Variants in CSF1 observed in about 807,000 individuals in gnomAD.
CSF1 encodes the protein colony stimulating factor 1.
In CSF1, 9 loss-of-function variants were observed where a neutral mutation model predicts 48.9. That is an observed-to-expected ratio of 0.18 (90% CI 0.11 to 0.32). The LOEUF is 0.32. CSF1 is among the 10% of genes least tolerant of loss of function. The probability of loss-of-function intolerance (pLI) is 1.00; values close to 1 mark genes in which losing one functional copy is unlikely to be tolerated. For missense variants in CSF1, 672 were observed against 697.9 expected, an observed-to-expected ratio of 0.96 and a Z score of 0.42; for synonymous variants, 305 against 284.1, an observed-to-expected ratio of 1.07 and a Z score of -0.74.
At position 109,923,645 on chromosome 1, in the gene CSF1, A is replaced by G; in HGVS notation, c.1024A>G (p.Asn342Asp). 1 of 1,613,896 alleles carries G rather than the reference A, an allele frequency of 6.2e-7. No individual in the cohort carries two copies. Among genetic ancestry groups the G allele is most frequent in the South Asian group, 1.1e-5 (1 of 91,084 alleles). ...GCAGACAGAGCCCGCCAGACCCAGC[A>G]ACTTCCTCTCAGCATCTTCTCCACT... ...SMQTEPARPS[N>D]FLSASSPLPA... The change falls in exon 6 of 9, where the codon AAC becomes GAC. Residue 342 changes from asparagine (N) to aspartate (D), a missense_variant. Transcript: ENST00000329608.
At chr1:109,922,840 A>ACTG (rs1396551500) in intron 5 of CSF1, among the ~76,000 whole-genome samples, 1 of 152,098 alleles carries the variant, frequency 6.6e-6, no homozygotes, top group Non-Finnish European at 1.5e-5. Context: ...TCCTGACCTG[A>ACTG]CTGCTGCTCA....
chr1:109,915,587 T>C (rs1187712161), intron 2 of CSF1, 47 bp from the exon 3 acceptor site: 26 of 1,526,952 alleles, frequency 1.7e-5, no homozygotes, highest in Non-Finnish European at 2.4e-5. Context: ...GAAGGCTGAG[T>C]TGAGCTGTAG....
intron 4 of CSF1, among the ~76,000 whole-genome samples, chr1:109,921,607 A>G (rs1200282714): frequency 6.6e-6 from 1 of 152,188 alleles, no homozygotes; most frequent in East Asian, 1.9e-4. Context: ...TGTTCGTTGC[A>G]TGATTCCCAG....
In CSF1 at chr1:109,910,964, CAGCG is replaced by C. The variant is rs551065514; in HGVS notation, c.-41_-38del. The C allele has an allele frequency of 1.7e-3, 1,980 of 1,146,716 alleles. 2 individuals are homozygous for C. The highest frequency in any genetic ancestry group is 1.9e-3 in the Non-Finnish European group (1,797 of 929,692). The allele number at this position is 1,146,716 out of a possible 1,614,324, so 71.0% of individuals were successfully genotyped here. A position where few individuals can be genotyped will look rare whatever the true frequency, so the allele number is the denominator to read the frequency against. ...GCCGGGGCGCCCACTCCGCAGCAGCCAGCGAGCGAGCGAGCGAGCGAGGGCGGCC... is the reference window on the plus strand; with the variant it reads ...GCCGGGGCGCCCACTCCGCAGCAGCCAGCGAGCGAGCGAGCGAGGGCGGCC... On this transcript the variant is annotated 5_prime_UTR_variant, in exon 1 of 9. Coordinates refer to ENST00000329608, the MANE Select transcript of CSF1 (RefSeq NM_000757.6).
At chr1:109,918,659 A>C (rs1647366833) in intron 4 of CSF1, among the ~76,000 whole-genome samples, 1 of 152,146 alleles carries the variant, frequency 6.6e-6, no homozygotes, top group African/African-American at 2.4e-5. Flanking sequence ...GAGCACCTGG[A>C]TATTCCAATG....
Position 109,919,690 on chromosome 1 carries a change from T to G in CSF1, c.397-2157T>G, listed in dbSNP as rs902041946. 4.0e-5 allele frequency among the ~76,000 whole-genome samples: 6 copies of G among 150,564 alleles called. 1 individual carries two copies. Among genetic ancestry groups the G allele is most frequent in the Non-Finnish European group, 9.0e-5 (6 of 66,938 alleles). On this transcript the variant is annotated intron_variant, in intron 4 of 8. Coordinates refer to ENST00000329608, the MANE Select transcript of CSF1 (RefSeq NM_000757.6). ...AGAGTGGCTCCAGGGCCGGGCGCGG[T>G]GGTTCATGCCTCTAATCCTGGCACT... is the stretch of plus-strand genomic sequence containing the variant.
intron 3 of CSF1, among the ~76,000 whole-genome samples, chr1:109,916,555 T>G (rs1446522958): frequency 6.6e-6 from 1 of 152,212 alleles, no homozygotes; most frequent in Non-Finnish European, 1.5e-5. Context: ...CCTTTCCACC[T>G]GCCCCCCAAT....
rs1303913682 is a variant in CSF1, at chr1:109,917,386, A to G, written c.319A>G (p.Ile107Val). 5 of 1,614,190 alleles carry G rather than the reference A, an allele frequency of 3.1e-6. No homozygotes were observed. The highest frequency in any genetic ancestry group is 4.2e-6 in the Non-Finnish European group (5 of 1,180,004). Residue 107 changes from isoleucine to valine, a missense_variant, in exon 4 of 9, where the codon ATC becomes GTC. Physicochemically the swap from Ile to Val is conservative, Grantham distance 29 (BLOSUM62 3). This residue lies in a region of CSF1 where 591 missense variants were observed against 593.6 expected (regional missense o/e 1.00). Transcript: ENST00000329608. ...MRFRDNTPNA[I>V]AIVQLQELSL... ...CTTCAGAGATAACACCCCCAATGCC[A>G]TCGCCATTGTGCAGCTGCAGGAACT... is the stretch of plus-strand genomic sequence containing the variant.
At chr1:109,919,264 G>A (rs551015853) in intron 4 of CSF1, among the ~76,000 whole-genome samples, 1 of 152,230 alleles carries the variant, frequency 6.6e-6, no homozygotes, top group East Asian at 1.9e-4. Flanking sequence ...TTTGAGACAG[G>A]GTCTCATTCT....
At chr1:109,912,706 A>G (rs1322476128) in intron 1 of CSF1, among the ~76,000 whole-genome samples, 1 of 151,460 alleles carries the variant, frequency 6.6e-6, no homozygotes, top group East Asian at 1.9e-4. Flanking sequence ...CATACCATTC[A>G]CTCCAGACCT....
intron 5 of CSF1, chr1:109,922,494 G>C (rs11575076): frequency 0.016 from 2,459 of 155,232 alleles, 63 homozygotes; most frequent in African/African-American, 0.056. Context: ...GGCTGGATTT[G>C]AAGTCTGAGC....
chr1:109,923,728 G>A lies in CSF1; in HGVS notation c.1107G>A (p.Arg369=), dbSNP rs774845703. The A allele has an allele frequency of 1.9e-6, 3 of 1,612,006 alleles. No homozygotes were observed. Among genetic ancestry groups the A allele is most frequent in the Admixed American group, 1.7e-5 (1 of 59,772 alleles). ...ATGTAACTGGTACCGCCTTGCCCAG[G>A]GTGGGCCCCGTGAGGCCCACTGGCC... ...PADVTGTALP[R]VGPVRPTGQD... is the part of the protein sequence containing the mutation. The change falls in exon 6 of 9, where the codon AGG becomes AGA. Residue 369 remains arginine, a synonymous_variant. Coordinates refer to ENST00000329608, the MANE Select transcript of CSF1 (RefSeq NM_000757.6).
At chr1:109,919,762 C>A (rs1457056910) in intron 4 of CSF1, among the ~76,000 whole-genome samples, 1 of 150,674 alleles carries the variant, frequency 6.6e-6, no homozygotes, top group African/African-American at 2.4e-5. Context: ...AGTTCAAGAC[C>A]AGCCTGCCCA....
intron 8 of CSF1, among the ~76,000 whole-genome samples, chr1:109,927,802 G>A (rs3093040): frequency 0.28 from 42,900 of 152,150 alleles, 7,465 homozygotes; most frequent in Non-Finnish European, 0.39. Flanking sequence ...GGCAGAGACT[G>A]AGATAGGGAC....
chr1:109,919,109 T>C (rs1647394781), intron 4 of CSF1, among the ~76,000 whole-genome samples: 1 of 152,140 alleles, frequency 6.6e-6, no homozygotes, highest in Non-Finnish European at 1.5e-5. Flanking sequence ...GTGTCACACA[T>C]GCTGGATCAG....
chr1:109,912,438 G>A (rs886775892), intron 1 of CSF1, among the ~76,000 whole-genome samples: 1 of 152,118 alleles, frequency 6.6e-6, no homozygotes, highest in African/African-American at 2.4e-5. Flanking sequence ...GCAGTCAGAG[G>A]AGAGCCTGCC....
intron 1 of CSF1, 91 bp downstream of exon 1, chr1:109,911,153 C>A: frequency 2.5e-6 from 2 of 811,334 alleles, no homozygotes; most frequent in Non-Finnish European, 3.0e-6. Context: ...GAGCCGACAG[C>A]CTGGGCGCGC....
In CSF1 at chr1:109,924,804, C is replaced by T; in HGVS notation, c.1598C>T (p.Ser533Phe). ...RSHQEPQRAD[S>F]PLEQPEGSPL... ...CATCAAGAGCCTCAGAGAGCGGATT[C>T]TCCCTTGGAGCAACCAGAGGGCAGG... is the stretch of plus-strand genomic sequence containing the variant. The change falls in exon 7 of 9, where the codon TCT (serine) becomes TTT (phenylalanine). Residue 533 changes from serine (S) to phenylalanine (F), a missense_variant. Physicochemically the swap from Ser to Phe is radical, Grantham distance 155 (BLOSUM62 -2). Coordinates refer to ENST00000329608, the MANE Select transcript of CSF1 (RefSeq NM_000757.6). 2.5e-6 allele frequency: 4 copies of T among 1,603,780 alleles called. No individual in the cohort carries two copies. Among genetic ancestry groups the T allele is most frequent in the Non-Finnish European group, 3.4e-6 (4 of 1,175,108 alleles).
chr1:109,917,551 G>C lies in CSF1; in HGVS notation c.396+88G>C, dbSNP rs143426194. The C allele has an allele frequency of 1.1e-3, 1,445 of 1,303,514 alleles. 5 individuals are homozygous for C. The highest frequency in any genetic ancestry group is 0.01 in the African/African-American group (680 of 67,872). 80.7% of individuals were successfully genotyped at this position (1,303,514 alleles called of 1,614,324 possible). On this transcript the variant is annotated intron_variant, in intron 4 of 8. Transcript: ENST00000329608. ...CTATCCACAGGCACAGAGTACATTC[G>C]CTCACCTCGCCTCACGCCATTGCTT...
Sources: gnomAD v4.1 joint callset for allele counts (sites outside exome capture counted in the v4.1 genomes callset) on GRCh38, gnomAD v4.1.1 for gene constraint, gnomAD v4.1.1 regional missense constraint, MANE v1.5 for transcripts, NCBI Gene and HGNC (gene_info 2026-07-23, HGNC 2026-07-21) for gene names.